The following DENND1A variants were observed in gnomAD, a reference collection of about 807,000 sequenced individuals.
DENND1A encodes DENN domain-containing protein 1A.
DENND1A carries 51 observed loss-of-function variants against 113.7 expected under a neutral mutation model. That is an observed-to-expected ratio of 0.45 (90% confidence interval 0.36 to 0.57). The LOEUF (loss-of-function observed/expected upper bound fraction) is 0.57. Ranked by LOEUF, DENND1A falls within the 20% of genes least tolerant of loss-of-function variation. The pLI is 0.00. For synonymous variants in DENND1A, 565 were observed against 570.8 expected (o/e 0.99, Z 0.14); for missense variants, 1,258 against 1,395.9 (o/e 0.90, Z 1.57).
At chr9:123,921,609 T>G (rs1856267603) in intron 1 of DENND1A, among the ~76,000 whole-genome samples, 1 of 152,246 alleles carries the variant, frequency 6.6e-6, no homozygotes, top group Admixed American at 6.5e-5. Flanking sequence ...TGAACAGATT[T>G]GCCTTCAGCA....
intron 13 of DENND1A, among the ~76,000 whole-genome samples, chr9:123,523,752 G>C (rs528000601): frequency 6.6e-6 from 1 of 152,190 alleles, no homozygotes; most frequent in South Asian, 2.1e-4. Context: ...ATGATTCCAA[G>C]GTCAGGCTTT....
At chr9:123,414,632 C>G in intron 19 of DENND1A, 1 of 1,544,480 alleles carries the variant, frequency 6.5e-7, no homozygotes, top group South Asian at 1.2e-5. Context: ...AGAAAAAAAC[C>G]CACCCAAACC....
chr9:123,459,406 T>A (rs2048369355), intron 13 of DENND1A, among the ~76,000 whole-genome samples: 1 of 152,166 alleles, frequency 6.6e-6, no homozygotes, highest in Admixed American at 6.5e-5. Flanking sequence ...ACTGAAATTT[T>A]AAAATAATTA....
intron 1 of DENND1A, among the ~76,000 whole-genome samples, chr9:123,883,564 C>A (rs577048273): frequency 6.6e-6 from 1 of 152,130 alleles, no homozygotes; most frequent in East Asian, 1.9e-4. Context: ...CTGCTGGACC[C>A]GTGACCATAC....
At chr9:123,928,779 A>C in intron 1 of DENND1A, 1 of 985,438 alleles carries the variant, frequency 1.0e-6, no homozygotes, top group African/African-American at 1.7e-5. Flanking sequence ...TTTCACCCTT[A>C]AGGCCCTTCT....
intron 2 of DENND1A, among the ~76,000 whole-genome samples, chr9:123,867,115 A>G (rs1236467625): frequency 6.6e-6 from 1 of 152,220 alleles, no homozygotes; most frequent in Non-Finnish European, 1.5e-5. Flanking sequence ...TATCTTCAGT[A>G]AAGCTTTCTT....
At chr9:123,436,749 ATCT>A (rs982668621) in intron 19 of DENND1A, among the ~76,000 whole-genome samples, 5 of 151,882 alleles carry the variant, frequency 3.3e-5, no homozygotes, top group Non-Finnish European at 7.4e-5. Flanking sequence ...TTGACAAAAT[ATCT>A]TTTTTTTTTT....
Position 123,426,872 on chromosome 9 carries a change from C to T in DENND1A, c.1488+13488G>A, listed in dbSNP as rs554374321. Among the ~76,000 whole-genome samples the T allele has an allele frequency of 3.0e-4, 46 of 152,332 alleles. No individual in the cohort carries two copies. The South Asian group carries it at 9.3e-3, about 31-fold the overall frequency. On this transcript the variant is annotated intron_variant, in intron 19 of 23. Transcript: ENST00000394215. The stretch of plus-strand genomic sequence containing the variant: ...ATCGCAGAACAGCCTGGAACAGCCA[C>T]TGTGTTTAGTTTCTCTGGTTTGGAA...
chr9:123,789,514 A>G (rs1832693098), intron 3 of DENND1A, among the ~76,000 whole-genome samples: 1 of 152,142 alleles, frequency 6.6e-6, no homozygotes. Context: ...CTAAACGAGA[A>G]GCAAAAAGAT....
chr9:123,606,699 C>T (rs1250684789), intron 11 of DENND1A, among the ~76,000 whole-genome samples: 1 of 152,218 alleles, frequency 6.6e-6, no homozygotes, highest in African/African-American at 2.4e-5. Context: ...CAAGCATTCA[C>T]TCAACGCTTC....
chr9:123,610,980 C>A (rs888530398), intron 10 of DENND1A, among the ~76,000 whole-genome samples: 1 of 152,186 alleles, frequency 6.6e-6, no homozygotes, highest in Non-Finnish European at 1.5e-5. Flanking sequence ...AGCAAAAATC[C>A]TTTCTTTCCC....
chr9:123,488,728 C>T lies in DENND1A; in HGVS notation c.994-30831G>A, dbSNP rs891817085. Among the ~76,000 whole-genome samples the T allele has an allele frequency of 3.9e-5, 6 of 152,188 alleles. No homozygotes were observed. The South Asian group carries it at 6.2e-4, about 16-fold the overall frequency. Reference sequence around the variant, plus strand: ...TTAAGGAGACAGCATTAAAGCGAGACGTTAACATTACATAAAGTAAACTCT... The same window carrying T: ...TTAAGGAGACAGCATTAAAGCGAGATGTTAACATTACATAAAGTAAACTCT... On this transcript the variant is annotated intron_variant, in intron 13 of 23. Transcript: ENST00000394215.
intron 3 of DENND1A, among the ~76,000 whole-genome samples, chr9:123,781,970 T>A (rs1472602151): frequency 6.6e-6 from 1 of 151,902 alleles, no homozygotes; most frequent in Non-Finnish European, 1.5e-5. Context: ...CTCAGGAGGA[T>A]GAGGAAGAAG....
At chr9:123,815,675 TAAAAC>T (rs2132516565) in intron 2 of DENND1A, among the ~76,000 whole-genome samples, 1 of 152,332 alleles carries the variant, frequency 6.6e-6, no homozygotes, top group East Asian at 1.9e-4. Context: ...CTTTATTACT[TAAAAC>T]TAAATAGTTT....
chr9:123,868,765 C>T (rs548559706), intron 2 of DENND1A, among the ~76,000 whole-genome samples: 4 of 152,238 alleles, frequency 2.6e-5, no homozygotes, highest in East Asian at 3.9e-4. Context: ...CCCTAAATTG[C>T]GCACTTTAGG....
intron 2 of DENND1A, among the ~76,000 whole-genome samples, chr9:123,855,582 G>C (rs1035302929): frequency 6.6e-6 from 1 of 152,108 alleles, no homozygotes; most frequent in African/African-American, 2.4e-5. Context: ...GTGATGAGGA[G>C]CCTTCTGTGC....
intron 3 of DENND1A, among the ~76,000 whole-genome samples, chr9:123,792,265 T>TA (rs1564279704): frequency 1.3e-5 from 2 of 152,234 alleles, no homozygotes; most frequent in East Asian, 1.9e-4. Context: ...AGCATTTTTT[T>TA]AAAAAGTTCA....
chr9:123,494,040 C>T (rs1002008795), intron 13 of DENND1A, among the ~76,000 whole-genome samples: 5 of 152,142 alleles, frequency 3.3e-5, no homozygotes, highest in Non-Finnish European at 5.9e-5. Flanking sequence ...TAGCCAGAGG[C>T]CCCCCACATT....
intron 5 of DENND1A, among the ~76,000 whole-genome samples, chr9:123,701,976 T>G (rs1564977864): frequency 6.6e-6 from 1 of 152,120 alleles, no homozygotes; most frequent in Non-Finnish European, 1.5e-5. Context: ...TGACTGACCA[T>G]AAAGAGACAA....
Sources: allele counts gnomAD v4.1 joint callset (sites outside exome capture counted in the v4.1 genomes callset), GRCh38; gene constraint gnomAD v4.1.1; transcripts MANE v1.5; gene names NCBI Gene and HGNC (gene_info 2026-07-23, HGNC 2026-07-21).